The following ESR2 variants were observed in gnomAD, a reference collection of about 807,000 sequenced individuals.
ESR2 encodes the protein estrogen receptor beta.
In ESR2, 36 loss-of-function variants were observed where a neutral mutation model predicts 49.6. The observed-to-expected ratio is 0.73, with a 90% confidence interval of 0.56 to 0.96. The LOEUF is 0.96. ESR2 is among the 40% of genes least tolerant of loss of function. The pLI is 0.00. For synonymous variants in ESR2, 320 were observed against 266.1 expected (o/e 1.20, Z -1.97); for missense variants, 714 against 693.0 (o/e 1.03, Z -0.34).
At chr14:64,324,156 G>T (rs894539999) in intron 1 of ESR2, among the ~76,000 whole-genome samples, 1 of 152,102 alleles carries the variant, frequency 6.6e-6, no homozygotes, top group Non-Finnish European at 1.5e-5. Flanking sequence ...TTATAGTCTC[G>T]AACAACATTG....
chr14:64,268,698 C>T, intron 4 of ESR2, 97 bp downstream of exon 4: 3 of 734,758 alleles, frequency 4.1e-6, no homozygotes, highest in Non-Finnish European at 7.2e-6. Context: ...TACTATGTCC[C>T]AAATCTTCTC....
rs117894466 is a variant in ESR2, at chr14:64,278,025, A to G, written c.535+1956T>C. On this transcript the variant is annotated intron_variant, in intron 3 of 8. Coordinates refer to ENST00000341099, the MANE Select transcript of ESR2 (RefSeq NM_001437.3). ...TTTAAAAGATATGGTTAGTAGTAAT[A>G]GGTCCAAACGTTCTTAAGGGGTAAA... 5.0e-3 allele frequency among the ~76,000 whole-genome samples: 769 copies of G among 152,318 alleles called. 4 individuals carry two copies. Among genetic ancestry groups the G allele is most frequent in the Non-Finnish European group, 9.0e-3 (613 of 68,010 alleles).
intron 1 of ESR2, among the ~76,000 whole-genome samples, chr14:64,312,782 A>G (rs972565924): frequency 2.0e-5 from 3 of 152,088 alleles, no homozygotes; most frequent in African/African-American, 7.2e-5. Context: ...GGTGGTGCAC[A>G]TCTGCAATTC....
At chr14:64,228,079 A>C, downstream of ESR2, 1 of 1,361,520 alleles carries the variant, frequency 7.3e-7, no homozygotes, top group Non-Finnish European at 9.4e-7. Flanking sequence ...GTGTGAGATT[A>C]GCTGACTAAA....
In ESR2 at chr14:64,228,812, C is replaced by A. The variant is rs1198912615; in HGVS notation, c.*4325G>T. Among the ~76,000 whole-genome samples, 1 of 152,038 alleles carries A rather than the reference C, an allele frequency of 6.6e-6. No homozygotes were observed. The highest frequency in any genetic ancestry group is 1.5e-5 in the Non-Finnish European group (1 of 67,986). ...ATTAAAAAACAAACAAACAAACAAA[C>A]AAAAAACCTCCCTGACTCCAAAGCA... On this transcript the variant is annotated 3_prime_UTR_variant, in exon 9 of 9. Transcript: ENST00000341099.
chr14:64,240,465 T>C (rs1376874176), intron 7 of ESR2, among the ~76,000 whole-genome samples: 1 of 152,262 alleles, frequency 6.6e-6, no homozygotes, highest in African/African-American at 2.4e-5. Flanking sequence ...TGGTATTTCT[T>C]TTCCATTTAG....
chr14:64,228,218 A>C (rs532798597), downstream of ESR2, among the ~76,000 whole-genome samples: 2 of 152,346 alleles, frequency 1.3e-5, no homozygotes, highest in Admixed American at 1.3e-4. Context: ...TCAAATTCTC[A>C]AAGGACTCTC....
chr14:64,323,813 T>A (rs2077355863), intron 1 of ESR2, among the ~76,000 whole-genome samples: 2 of 152,058 alleles, frequency 1.3e-5, no homozygotes, highest in South Asian at 4.1e-4. Flanking sequence ...TGCTTCAACC[T>A]CCCAAGTAGT....
At position 64,232,282 on chromosome 14, in the gene ESR2, C is replaced by T. The variant is rs78810983; in HGVS notation, c.*855G>A. The T allele has an allele frequency of 6.6e-6, 1 of 152,362 alleles. No homozygotes were observed. The highest frequency in any genetic ancestry group is 1.9e-4 in the East Asian group (1 of 5,182). 9.4% of individuals were successfully genotyped at this position (152,362 alleles called of 1,614,324 possible). On this transcript the variant is annotated 3_prime_UTR_variant, in exon 9 of 9. Transcript: ENST00000341099. ...CTGCATCCACATTGCCCCAGGGAAA[C>T]ACTGTGGCTGTCACCCACACCCACA...
At chr14:64,236,352 T>TCC (rs1320816829) in intron 7 of ESR2, among the ~76,000 whole-genome samples, 3 of 151,972 alleles carry the variant, frequency 2.0e-5, no homozygotes, top group Middle Eastern at 3.2e-3. Flanking sequence ...TCTTCCAGAA[T>TCC]CCCCCCACAG....
At chr14:64,259,209 C>A (rs916944931) in intron 5 of ESR2, among the ~76,000 whole-genome samples, 3 of 152,182 alleles carry the variant, frequency 2.0e-5, no homozygotes, top group Non-Finnish European at 4.4e-5. Flanking sequence ...AAACAAAATA[C>A]AACTAGAAAC....
chr14:64,242,440 CAAACA>C (rs1567735136), intron 7 of ESR2, among the ~76,000 whole-genome samples: 5 of 90,068 alleles, frequency 5.6e-5, no homozygotes, highest in African/African-American at 4.3e-4. Context: ...AACAAACAAA[CAAACA>C]AAAAAAATAT....
chr14:64,263,524 G>T (rs2076262513), intron 4 of ESR2, among the ~76,000 whole-genome samples: 1 of 152,070 alleles, frequency 6.6e-6, no homozygotes, highest in African/African-American at 2.4e-5. Flanking sequence ...AGGCATGGTG[G>T]TGCATTCCTG....
At chr14:64,276,132 A>G (rs1596443746) in intron 3 of ESR2, among the ~76,000 whole-genome samples, 1 of 152,318 alleles carries the variant, frequency 6.6e-6, no homozygotes, top group South Asian at 2.1e-4. Flanking sequence ...CTTAAAAACT[A>G]TACACAAAAC....
intron 1 of ESR2, among the ~76,000 whole-genome samples, chr14:64,286,737 G>A (rs561018867): frequency 6.6e-6 from 1 of 152,098 alleles, no homozygotes; most frequent in Admixed American, 6.6e-5. Flanking sequence ...GTTTTGAAAT[G>A]AAATCTCACT....
At chr14:64,313,541 A>AG (rs1454269088) in intron 1 of ESR2, among the ~76,000 whole-genome samples, 106 of 150,800 alleles carry the variant, frequency 7.0e-4, no homozygotes, top group Non-Finnish European at 1.3e-3. Flanking sequence ...AAAAAAAAAA[A>AG]AAAAGAAAAG....
intron 1 of ESR2, among the ~76,000 whole-genome samples, chr14:64,324,227 G>A (rs2077362783): frequency 6.6e-6 from 1 of 152,096 alleles, no homozygotes; most frequent in Non-Finnish European, 1.5e-5. Flanking sequence ...TAACTTACAA[G>A]AAGAGATTAT....
chr14:64,269,430 C>T (rs943272261), intron 3 of ESR2, among the ~76,000 whole-genome samples: 1 of 152,174 alleles, frequency 6.6e-6, no homozygotes, highest in Non-Finnish European at 1.5e-5. Flanking sequence ...GGTGGATTAC[C>T]GTTCTCAATT....
chr14:64,227,723 G>A, downstream of ESR2: 1 of 1,580,130 alleles, frequency 6.3e-7, no homozygotes, highest in Non-Finnish European at 8.6e-7. Context: ...TCAGGATAAG[G>A]GCCTTTAAGC....
Sources: gnomAD v4.1 joint callset for allele counts (sites outside exome capture counted in the v4.1 genomes callset) on GRCh38, gnomAD v4.1.1 for gene constraint, MANE v1.5 for transcripts, NCBI Gene and HGNC (gene_info 2026-07-23, HGNC 2026-07-21) for gene names.